Variants in CDH8 observed in about 807,000 individuals in gnomAD.
CDH8 encodes cadherin 8.
CDH8 carries 17 observed loss-of-function variants against 68.1 expected under a neutral mutation model. The ratio of observed to expected loss-of-function variants is 0.25; its 90% CI spans 0.17 to 0.37. CDH8 has a LOEUF of 0.37. Ranked by LOEUF, CDH8 falls within the 10% of genes least tolerant of loss-of-function variation. The pLI, the probability that CDH8 is intolerant of heterozygous loss-of-function variation, is 1.00. For missense variants in CDH8, 763 were observed against 999.3 expected (o/e 0.76, Z 3.19); for synonymous variants, 372 against 365.1 (o/e 1.02, Z -0.21).
At chr16:62,018,682 T>C (rs772121904) in intron 2 of CDH8, among the ~76,000 whole-genome samples, 3 of 152,156 alleles carry the variant, frequency 2.0e-5, no homozygotes, top group Non-Finnish European at 4.4e-5. Context: ...CGCAGAAAAG[T>C]TTTCCAGAAA....
At chr16:61,928,292 G>C (rs1469929867) in intron 2 of CDH8, among the ~76,000 whole-genome samples, 1 of 152,168 alleles carries the variant, frequency 6.6e-6, no homozygotes, top group Non-Finnish European at 1.5e-5. Flanking sequence ...CTGTGAATCT[G>C]AGAGTCAAAT....
intron 6 of CDH8, chr16:61,817,934 A>C: frequency 2.1e-6 from 1 of 481,018 alleles, no homozygotes; most frequent in Non-Finnish European, 3.6e-6. Context: ...AGCTCAGTGA[A>C]TCTAATCTCC....
chr16:61,963,479 G>GA (rs1965193152), intron 2 of CDH8, among the ~76,000 whole-genome samples: 1 of 152,132 alleles, frequency 6.6e-6, no homozygotes, highest in African/African-American at 2.4e-5. Flanking sequence ...TAAATTCAAT[G>GA]AAAACAAAGC....
At chr16:61,677,178 A>C (rs894939938) in intron 10 of CDH8, among the ~76,000 whole-genome samples, 2 of 151,162 alleles carry the variant, frequency 1.3e-5, no homozygotes, top group African/African-American at 4.9e-5. Context: ...CTTTCATTCC[A>C]GTATCTGCTG....
chr16:61,807,584 G>C (rs1002694270), intron 7 of CDH8, among the ~76,000 whole-genome samples: 1 of 152,136 alleles, frequency 6.6e-6, no homozygotes, highest in African/African-American at 2.4e-5. Flanking sequence ...TAGACATGAA[G>C]AACTGCTGTG....
intron 2 of CDH8, among the ~76,000 whole-genome samples, chr16:61,938,968 C>G (rs945163866): frequency 6.6e-6 from 1 of 152,108 alleles, no homozygotes; most frequent in African/African-American, 2.4e-5. Flanking sequence ...TATCCTATTA[C>G]GTGTAGCTGT....
intron 8 of CDH8, among the ~76,000 whole-genome samples, chr16:61,733,991 C>T (rs1252654896): frequency 6.6e-6 from 1 of 151,870 alleles, no homozygotes. Context: ...TTTATCTACT[C>T]TCTGCCCTCA....
At chr16:61,656,831 C>G (rs1340061331) in intron 10 of CDH8, among the ~76,000 whole-genome samples, 1 of 152,128 alleles carries the variant, frequency 6.6e-6, no homozygotes, top group African/African-American at 2.4e-5. Context: ...CTCAAACTTT[C>G]ACCCCCAAGT....
intron 10 of CDH8, among the ~76,000 whole-genome samples, chr16:61,708,719 G>T (rs1418263247): frequency 6.6e-6 from 1 of 152,194 alleles, no homozygotes; most frequent in Admixed American, 6.5e-5. Context: ...CACATTGCTG[G>T]AAGCATAAAC....
chr16:61,924,923 G>A (rs539923683), intron 2 of CDH8, among the ~76,000 whole-genome samples: 5 of 152,198 alleles, frequency 3.3e-5, no homozygotes, highest in South Asian at 4.1e-4. Flanking sequence ...TTTGAAATTC[G>A]TCGTTCTGAG....
intron 10 of CDH8, among the ~76,000 whole-genome samples, chr16:61,697,718 T>C (rs896826536): frequency 1.3e-5 from 2 of 152,190 alleles, no homozygotes; most frequent in African/African-American, 4.8e-5. Flanking sequence ...CTTGAACTCA[T>C]GGCCTCAAGT....
At chr16:61,690,938 C>T (rs899763841) in intron 10 of CDH8, among the ~76,000 whole-genome samples, 6 of 152,162 alleles carry the variant, frequency 3.9e-5, no homozygotes, top group African/African-American at 1.4e-4. Context: ...CTCAAAATCT[C>T]CCTGAGTTTC....
chr16:61,900,001 C>A (rs1253690818), intron 3 of CDH8, among the ~76,000 whole-genome samples: 1 of 152,134 alleles, frequency 6.6e-6, no homozygotes, highest in African/African-American at 2.4e-5. Flanking sequence ...TTATTTGTGT[C>A]TAAAGTGAAG....
intron 4 of CDH8, among the ~76,000 whole-genome samples, chr16:61,843,743 T>C (rs925884793): frequency 1.3e-5 from 2 of 152,190 alleles, no homozygotes; most frequent in Admixed American, 6.5e-5. Flanking sequence ...TTTGGGTATA[T>C]ACCCAGTAAT....
chr16:61,835,406 G>C (rs951260937), intron 4 of CDH8, among the ~76,000 whole-genome samples: 3 of 151,776 alleles, frequency 2.0e-5, no homozygotes, highest in Admixed American at 2.0e-4. Context: ...ATCCCTGCAA[G>C]TGAATTAACT....
chr16:61,959,080 T>G (rs1965033795), intron 2 of CDH8, among the ~76,000 whole-genome samples: 1 of 152,122 alleles, frequency 6.6e-6, no homozygotes, highest in Admixed American at 6.6e-5. Context: ...TCAACTTGAT[T>G]CTCACTTTTT....
rs368016247 is a variant in CDH8 at position 61,910,796 on chromosome 16, C to T, written c.253-9323G>A. 1.4e-4 allele frequency among the ~76,000 whole-genome samples: 22 copies of T among 152,146 alleles called. No individual in the cohort carries two copies. In the South Asian group the frequency reaches 4.4e-3, roughly 30 times the overall value. On this transcript the variant is annotated intron_variant, in intron 2 of 11. Transcript: ENST00000577390. ...GGAATTACTTTCCAAGAAAAGTATG[C>T]CTATCAACGTATTCGGGGTTAGAAT...
At chr16:61,835,004 T>C (rs1197600862) in intron 4 of CDH8, among the ~76,000 whole-genome samples, 2 of 151,890 alleles carry the variant, frequency 1.3e-5, no homozygotes, top group Non-Finnish European at 2.9e-5. Flanking sequence ...ATGTAGAAAA[T>C]AATATACTCT....
chr16:61,972,260 T>A (rs1313544262), intron 2 of CDH8, among the ~76,000 whole-genome samples: 1 of 152,168 alleles, frequency 6.6e-6, no homozygotes, highest in African/African-American at 2.4e-5. Flanking sequence ...AATGTGGAAC[T>A]GTGAGTTAAT....
Sources: gnomAD v4.1 joint callset for allele counts (sites outside exome capture counted in the v4.1 genomes callset) on GRCh38, gnomAD v4.1.1 for gene constraint, MANE v1.5 for transcripts, NCBI Gene and HGNC (gene_info 2026-07-23, HGNC 2026-07-21) for gene names.